Variants in ROBO2 observed in about 807,000 individuals in gnomAD.
ROBO2 encodes the protein roundabout homolog 2.
ROBO2 carries 53 observed loss-of-function variants against 160.8 expected under a neutral mutation model. The observed-to-expected ratio is 0.33, with a 90% CI of 0.26 to 0.41. The LOEUF (loss-of-function observed/expected upper bound fraction) is 0.41, where lower values mean the gene tolerates loss of function less well. ROBO2 is among the 10% of genes least tolerant of loss of function. The pLI is 1.00. For synonymous variants in ROBO2, 664 were observed against 611.7 expected, an observed-to-expected ratio of 1.09 and a Z score of -1.26; for missense variants, 1,577 against 1,722.4, an observed-to-expected ratio of 0.92 and a Z score of 1.49.
At chr3:76,043,261 C>T (rs2067334087) in intron 2 of ROBO2, among the ~76,000 whole-genome samples, 1 of 151,734 alleles carries the variant, frequency 6.6e-6, no homozygotes, top group Non-Finnish European at 1.5e-5. Context: ...TAGTCATCTC[C>T]TCTTTTCACA....
intron 2 of ROBO2, among the ~76,000 whole-genome samples, chr3:76,974,587 T>C (rs2059723520): frequency 6.6e-6 from 1 of 152,182 alleles, no homozygotes; most frequent in African/African-American, 2.4e-5. Flanking sequence ...TTGTAATTTA[T>C]TTACTTACTT....
intron 2 of ROBO2, among the ~76,000 whole-genome samples, chr3:76,054,856 C>T (rs1235987701): frequency 6.6e-6 from 1 of 152,158 alleles, no homozygotes; most frequent in Admixed American, 6.5e-5. Context: ...TAAACTGACA[C>T]ATCCTGTGTC....
intron 2 of ROBO2, among the ~76,000 whole-genome samples, chr3:76,582,689 T>G (rs1034222102): frequency 6.6e-6 from 1 of 152,158 alleles, no homozygotes; most frequent in Non-Finnish European, 1.5e-5. Flanking sequence ...GTCTTATATT[T>G]ATGGTTTTCT....
intron 2 of ROBO2, among the ~76,000 whole-genome samples, chr3:76,322,204 A>AT (rs1320119727): frequency 0.018 from 2,083 of 113,812 alleles, 48 homozygotes; most frequent in African/African-American, 0.036. Flanking sequence ...ATATATATAT[A>AT]ATATACACAC....
intron 2 of ROBO2, among the ~76,000 whole-genome samples, chr3:76,731,250 T>C (rs1576296322): frequency 6.6e-6 from 1 of 152,332 alleles, no homozygotes; most frequent in South Asian, 2.1e-4. Context: ...AAATTGCCTT[T>C]ATTTTTATGA....
intron 2 of ROBO2, among the ~76,000 whole-genome samples, chr3:76,740,830 C>T (rs1331760514): frequency 6.6e-5 from 10 of 152,042 alleles, no homozygotes; most frequent in Non-Finnish European, 1.2e-4. Flanking sequence ...TCTTGTTTTA[C>T]ATTAATAATT....
chr3:76,742,787 C>A (rs1435778834), intron 2 of ROBO2, among the ~76,000 whole-genome samples: 2 of 151,732 alleles, frequency 1.3e-5, no homozygotes, highest in Non-Finnish European at 2.9e-5. Flanking sequence ...CACACACCCA[C>A]ACACACACCC....
intron 2 of ROBO2, among the ~76,000 whole-genome samples, chr3:77,333,881 C>T (rs1051841977): frequency 3.3e-5 from 5 of 152,140 alleles, no homozygotes; most frequent in African/African-American, 1.2e-4. Flanking sequence ...AGGGTATTAA[C>T]TAGCATTAAA....
chr3:77,278,413 A>T (rs2060031141), intron 2 of ROBO2, among the ~76,000 whole-genome samples: 1 of 152,204 alleles, frequency 6.6e-6, no homozygotes, highest in South Asian at 2.1e-4. Flanking sequence ...GGACTGAGGT[A>T]CAGTGTTGCT....
At chr3:75,941,994 C>G in intron 2 of ROBO2, among the ~76,000 whole-genome samples, 1 of 152,146 alleles carries the variant, frequency 6.6e-6, no homozygotes, top group East Asian at 1.9e-4. Flanking sequence ...TGCCTCCATT[C>G]GGTTCCTTAC....
rs556727836 is a variant in ROBO2, at chr3:77,039,951, G to T, written c.-835G>T. ...CCCTTTCTCCGCCGCGCCCGGGCTGGGCTCTCACGCCCGTCTCTGCTCGCG... is the reference window on the plus strand; with the variant it reads ...CCCTTTCTCCGCCGCGCCCGGGCTGTGCTCTCACGCCCGTCTCTGCTCGCG... On this transcript the variant is annotated 5_prime_UTR_variant, in exon 1 of 26. Coordinates refer to ENST00000461745, the Ensembl canonical transcript of ROBO2. 1.6e-4 allele frequency: 43 copies of T among 265,328 alleles called. No individual in the cohort carries two copies. In the South Asian group the frequency reaches 6.0e-3, roughly 37 times the overall value. The allele number at this position is 265,328 out of a possible 1,614,324, so 16.4% of individuals were successfully genotyped here.
intron 2 of ROBO2, among the ~76,000 whole-genome samples, chr3:77,277,157 C>CTTCTTTCCTTCTTTCCTTCTTTCTTTCT (rs1553882840): frequency 5.7e-5 from 5 of 88,136 alleles, no homozygotes; most frequent in African/African-American, 1.7e-4. Context: ...TCCTTCTTTC[C>CTTCTTTCCTTCTTTCCTTCTTTCTTTCT]TTCTTTCTTT....
At chr3:76,793,111 T>C (rs2063472758) in intron 2 of ROBO2, among the ~76,000 whole-genome samples, 1 of 151,768 alleles carries the variant, frequency 6.6e-6, no homozygotes, top group Admixed American at 6.6e-5. Context: ...GTATCCCAAA[T>C]TTTCCCATAT....
At chr3:76,926,398 T>C (rs1185151630) in intron 2 of ROBO2, among the ~76,000 whole-genome samples, 1 of 152,214 alleles carries the variant, frequency 6.6e-6, no homozygotes, top group Non-Finnish European at 1.5e-5. Flanking sequence ...GAAGGTGCCA[T>C]ACTTGAGTTA....
intron 2 of ROBO2, among the ~76,000 whole-genome samples, chr3:77,260,431 G>A (rs984533421): frequency 6.6e-6 from 1 of 152,042 alleles, no homozygotes; most frequent in Non-Finnish European, 1.5e-5. Flanking sequence ...AGCAATCAAT[G>A]AGTTGAGTTA....
chr3:76,631,324 T>C (rs1374923920), intron 2 of ROBO2, among the ~76,000 whole-genome samples: 1 of 152,100 alleles, frequency 6.6e-6, no homozygotes, highest in Admixed American at 6.5e-5. Flanking sequence ...GGGAAAAAAA[T>C]CTTGTCATCT....
chr3:76,452,168 C>G (rs1168513661), intron 2 of ROBO2, among the ~76,000 whole-genome samples: 3 of 151,886 alleles, frequency 2.0e-5, no homozygotes, highest in African/African-American at 4.8e-5. Context: ...TCTCTTCCAA[C>G]TTATTTTTTT....
intron 2 of ROBO2, among the ~76,000 whole-genome samples, chr3:75,938,252 C>G (rs1488640957): frequency 6.6e-6 from 1 of 151,226 alleles, no homozygotes; most frequent in Non-Finnish European, 1.5e-5. Flanking sequence ...CTGATTTGAT[C>G]AATAGCTGTA....
rs143857748 is a variant in ROBO2 at position 77,641,032 on chromosome 3, C to T, written c.3935-3672C>T. ...AAGAAAATACAATAATTTCTCCTCA[C>T]TGGCAGTCTAAGTTCAATCAATCAA... On this transcript the variant is annotated intron_variant, in intron 24 of 25. Coordinates refer to ENST00000461745, the Ensembl canonical transcript of ROBO2. Among the ~76,000 whole-genome samples the T allele has an allele frequency of 3.9e-5, 6 of 152,282 alleles. No homozygotes were observed. The East Asian group carries it at 9.7e-4, about 24-fold the overall frequency.
Sources: allele counts gnomAD v4.1 joint callset (sites outside exome capture counted in the v4.1 genomes callset), GRCh38; gene constraint gnomAD v4.1.1; transcripts MANE v1.5; gene names NCBI Gene and HGNC (gene_info 2026-07-23, HGNC 2026-07-21).